Variants in SORCS3 observed in about 807,000 individuals in gnomAD.
SORCS3 encodes the protein sortilin related VPS10 domain containing receptor 3.
A neutral mutation model predicts 146.3 loss-of-function variants in SORCS3; 57 were observed. That is an observed-to-expected ratio of 0.39 (90% confidence interval 0.31 to 0.49). The LOEUF is 0.49. SORCS3 is among the 20% of genes least tolerant of loss of function. SORCS3 has a pLI of 0.92. For missense variants in SORCS3, 1,341 were observed against 1,575.5 expected (o/e 0.85, Z 2.52); for synonymous variants, 653 against 618.5 (o/e 1.06, Z -0.83).
intron 14 of SORCS3, among the ~76,000 whole-genome samples, chr10:105,189,062 C>T (rs966397172): frequency 3.9e-5 from 6 of 152,214 alleles, no homozygotes; most frequent in African/African-American, 7.2e-5. Flanking sequence ...CAGTTGATTA[C>T]AGTTCATTTA....
intron 2 of SORCS3, among the ~76,000 whole-genome samples, chr10:104,877,728 T>G (rs1335948007): frequency 6.6e-6 from 1 of 152,126 alleles, no homozygotes; most frequent in Non-Finnish European, 1.5e-5. Context: ...TTGTGCCAGG[T>G]GATAAGAAAA....
At chr10:104,926,975 T>C (rs1564714978) in intron 3 of SORCS3, among the ~76,000 whole-genome samples, 1 of 152,204 alleles carries the variant, frequency 6.6e-6, no homozygotes, top group African/African-American at 2.4e-5. Context: ...AAGATAATAA[T>C]GATTTGCATT....
chr10:104,658,793 A>T (rs1393390584), intron 1 of SORCS3, among the ~76,000 whole-genome samples: 1 of 152,146 alleles, frequency 6.6e-6, no homozygotes, highest in African/African-American at 2.4e-5. Context: ...ATGCTGCAAT[A>T]GGACTCTGGA....
intron 5 of SORCS3, among the ~76,000 whole-genome samples, chr10:105,072,140 CTTTA>C (rs1443823874): frequency 2.6e-5 from 4 of 152,082 alleles, no homozygotes; most frequent in African/African-American, 9.7e-5. Flanking sequence ...AATTCAAATT[CTTTA>C]TTTAGAGAGA....
At chr10:104,946,145 C>T (rs562228871) in intron 3 of SORCS3, among the ~76,000 whole-genome samples, 94 of 151,814 alleles carry the variant, frequency 6.2e-4, no homozygotes, top group African/African-American at 2.2e-3. Flanking sequence ...TCTGGCACAT[C>T]GAGTATGCAC....
At chr10:105,176,321 A>C (rs1000223940) in intron 13 of SORCS3, among the ~76,000 whole-genome samples, 2 of 151,648 alleles carry the variant, frequency 1.3e-5, no homozygotes, top group Non-Finnish European at 2.9e-5. Flanking sequence ...GAGTGGGAGG[A>C]TTGCTTGCAG....
intron 3 of SORCS3, among the ~76,000 whole-genome samples, chr10:104,959,543 G>A (rs73349917): frequency 0.059 from 9,018 of 152,242 alleles, 262 homozygotes; most frequent in African/African-American, 0.074. Context: ...TGAGAAAGAA[G>A]TGATGGGTAT....
chr10:104,713,278 A>G (rs2016439812), intron 1 of SORCS3, among the ~76,000 whole-genome samples: 1 of 152,116 alleles, frequency 6.6e-6, no homozygotes, highest in African/African-American at 2.4e-5. Context: ...TCTTTGTTGC[A>G]TGTGGGTGGT....
At chr10:105,250,343 T>A (rs1035927518) in intron 22 of SORCS3, among the ~76,000 whole-genome samples, 1 of 152,042 alleles carries the variant, frequency 6.6e-6, no homozygotes, top group African/African-American at 2.4e-5. Flanking sequence ...CAGAATTGGG[T>A]TGTGTTATGT....
chr10:104,882,900 C>T (rs888227841), intron 2 of SORCS3, among the ~76,000 whole-genome samples: 1 of 152,218 alleles, frequency 6.6e-6, no homozygotes, highest in African/African-American at 2.4e-5. Context: ...TGACTCCTCT[C>T]TTCCACTTCA....
intron 2 of SORCS3, among the ~76,000 whole-genome samples, chr10:104,889,830 C>T (rs1589537742): frequency 6.6e-6 from 1 of 152,132 alleles, no homozygotes; most frequent in African/African-American, 2.4e-5. Flanking sequence ...ATATTTCCAT[C>T]TGGTATCATT....
intron 1 of SORCS3, among the ~76,000 whole-genome samples, chr10:104,748,867 G>T (rs144747587): frequency 5.9e-5 from 9 of 152,188 alleles, no homozygotes; most frequent in Non-Finnish European, 1.3e-4. Context: ...AAAATAAAAA[G>T]AATTCTTTAG....
intron 2 of SORCS3, among the ~76,000 whole-genome samples, chr10:104,899,004 C>T (rs2018825516): frequency 6.6e-6 from 1 of 152,210 alleles, no homozygotes; most frequent in Non-Finnish European, 1.5e-5. Context: ...TCACTTTATT[C>T]TCTAGCCTGG....
chr10:104,858,022 G>A (rs540261233), intron 2 of SORCS3, among the ~76,000 whole-genome samples: 1 of 152,122 alleles, frequency 6.6e-6, no homozygotes, highest in Non-Finnish European at 1.5e-5. Context: ...AAACACATCT[G>A]CCTGAATGCT....
chr10:105,223,347 A>C, intron 20 of SORCS3, 98 bp downstream of exon 20: 1 of 1,249,622 alleles, frequency 8.0e-7, no homozygotes, highest in Non-Finnish European at 1.1e-6. Flanking sequence ...GAATGCAGGC[A>C]ATAAGAGGTA....
intron 8 of SORCS3, among the ~76,000 whole-genome samples, chr10:105,147,121 G>T (rs1173635470): frequency 6.6e-6 from 1 of 152,126 alleles, no homozygotes; most frequent in Non-Finnish European, 1.5e-5. Flanking sequence ...AAACAGGATT[G>T]CAGGTCTAGA....
intron 1 of SORCS3, among the ~76,000 whole-genome samples, chr10:104,647,339 C>T (rs1210589022): frequency 6.6e-6 from 1 of 152,208 alleles, no homozygotes; most frequent in Non-Finnish European, 1.5e-5. Flanking sequence ...GATGAAAGGG[C>T]ACCTGTTATT....
chr10:105,066,997 A>G (rs1208271339), intron 5 of SORCS3, among the ~76,000 whole-genome samples: 1 of 152,192 alleles, frequency 6.6e-6, no homozygotes. Context: ...TTATGAACTT[A>G]AATTTCCAGG....
At chr10:104,695,740 C>T (rs960200420) in intron 1 of SORCS3, among the ~76,000 whole-genome samples, 2 of 151,316 alleles carry the variant, frequency 1.3e-5, no homozygotes, top group African/African-American at 4.9e-5. Context: ...TTTTTCCACT[C>T]ACTGTATTGG....
Sources: allele counts gnomAD v4.1 joint callset (sites outside exome capture counted in the v4.1 genomes callset), GRCh38; gene constraint gnomAD v4.1.1; transcripts MANE v1.5; gene names NCBI Gene and HGNC (gene_info 2026-07-23, HGNC 2026-07-21).